CD300LF: variants seen among roughly 807,000 people sequenced by gnomAD.
The protein encoded by CD300LF is CD300 molecule like family member f.
Under a neutral mutation model 32.2 loss-of-function variants are expected in CD300LF, and 27 were observed. The ratio of observed to expected loss-of-function variants is 0.84; its 90% CI spans 0.62 to 1.15. The LOEUF (loss-of-function observed/expected upper bound fraction) is 1.15. CD300LF is among the 50% of genes most tolerant of loss of function. CD300LF has a pLI of 0.00. For missense variants in CD300LF, 348 were observed against 356.8 expected (o/e 0.98, Z 0.20); for synonymous variants, 139 against 143.2 (o/e 0.97, Z 0.21).
Position 74,695,862 on chromosome 17 carries a change from G to A in CD300LF, c.583-3C>T, listed in dbSNP as rs201735950. 1.2e-6 allele frequency: 2 copies of A among 1,612,750 alleles called. No individual in the cohort carries two copies. The highest frequency in any genetic ancestry group is 1.7e-6 in the Non-Finnish European group (2 of 1,179,212). On this transcript the variant is annotated splice_polypyrimidine_tract_variant and splice_region_variant and intron_variant, in intron 5 of 6. Coordinates refer to ENST00000326165, the MANE Select transcript of CD300LF (RefSeq NM_139018.5). ...TCGCCCTCCAGGGGCTGCAGTACCTGGGACAGGGAACACAGGCTGGGGAGT... is the reference window on the plus strand; with the variant it reads ...TCGCCCTCCAGGGGCTGCAGTACCTAGGACAGGGAACACAGGCTGGGGAGT...
intron 3 of CD300LF, among the ~76,000 whole-genome samples, chr17:74,698,866 A>T (rs1229294844): frequency 1.8e-4 from 27 of 152,218 alleles, no homozygotes. Flanking sequence ...AAGCTAAAAT[A>T]AAAGTTTTTA....
intron 3 of CD300LF, among the ~76,000 whole-genome samples, chr17:74,701,760 G>T (rs1021532196): frequency 6.7e-6 from 1 of 149,306 alleles, no homozygotes. Context: ...TGAGGTATGA[G>T]AATCACATGA....
chr17:74,708,703 T>C (rs1030185943), intron 1 of CD300LF, among the ~76,000 whole-genome samples: 2 of 150,370 alleles, frequency 1.3e-5, no homozygotes, highest in Non-Finnish European at 3.0e-5. Context: ...GATCAGGAGG[T>C]GAGGAGATCG....
chr17:74,695,342 G>A (rs934073471), intron 6 of CD300LF, 91 bp from the exon 7 acceptor site: 80 of 1,475,192 alleles, frequency 5.4e-5, no homozygotes, highest in Non-Finnish European at 7.0e-5. Context: ...AGTGGGGATG[G>A]ACCATTCAGG....
rs528177924 is a variant in CD300LF, at chr17:74,695,319, C to T, written c.718-68G>A. Reference sequence around the variant, plus strand: ...GTGACGGTCACGGGGCAGAGGAGCCCTCGGAGGAGGATAGTGGGGATGGAC... The same window carrying T: ...GTGACGGTCACGGGGCAGAGGAGCCTTCGGAGGAGGATAGTGGGGATGGAC... On this transcript the variant is annotated intron_variant, in intron 6 of 6. Coordinates refer to ENST00000326165, the MANE Select transcript of CD300LF (RefSeq NM_139018.5). The T allele has an allele frequency of 3.5e-5, 55 of 1,581,988 alleles. No individual in the cohort carries two copies. In the East Asian group the frequency reaches 1.2e-3, roughly 33 times the overall value.
In CD300LF at chr17:74,694,393, G is replaced by A. The variant is rs1269246169; in HGVS notation, c.*703C>T. 2 of 152,204 alleles carry A rather than the reference G, an allele frequency of 1.3e-5. No homozygotes were observed. Among genetic ancestry groups the A allele is most frequent in the African/African-American group, 4.8e-5 (2 of 41,448 alleles). The allele number at this position is 152,204 out of a possible 1,614,324, so 9.4% of individuals were successfully genotyped here. The stretch of plus-strand genomic sequence containing the variant: ...TCAAGATCAGTTTCAATGGGCTCAA[G>A]TCAAGGCGTGGGCAGGGCTGGTTTC... On this transcript the variant is annotated 3_prime_UTR_variant, in exon 7 of 7. Coordinates refer to ENST00000326165, the MANE Select transcript of CD300LF (RefSeq NM_139018.5).
At chr17:74,712,136 C>G (rs564647635) in intron 1 of CD300LF, among the ~76,000 whole-genome samples, 2 of 151,974 alleles carry the variant, frequency 1.3e-5, no homozygotes, top group Non-Finnish European at 2.9e-5. Context: ...GGTCTCGAAT[C>G]CCTGAGCTCA....
At chr17:74,706,023 T>C (rs761821252) in intron 1 of CD300LF, among the ~76,000 whole-genome samples, 8 of 152,134 alleles carry the variant, frequency 5.3e-5, no homozygotes, top group Non-Finnish European at 1.2e-4. Context: ...TGTTCTCACT[T>C]ATAAGTGGGA....
At chr17:74,711,899 CTTTTTTCTT>C (rs2033989962) in intron 1 of CD300LF, among the ~76,000 whole-genome samples, 1 of 143,556 alleles carries the variant, frequency 7.0e-6, no homozygotes. Context: ...TTTCTTTTTT[CTTTTTTCTT>C]TTTTTTTTTT....
Position 74,704,468 on chromosome 17 carries a change from T to C in CD300LF, c.382+10A>G. ...CTGAGAGACACACACATATATACAC[T>C]CCCTCTTACCTGGGTCAATGGTCAC... On this transcript the variant is annotated intron_variant, in intron 2 of 6. Coordinates refer to ENST00000326165, the MANE Select transcript of CD300LF (RefSeq NM_139018.5). The C allele has an allele frequency of 6.3e-7, 1 of 1,594,324 alleles. No homozygotes were observed. The highest frequency in any genetic ancestry group is 8.6e-7 in the Non-Finnish European group (1 of 1,165,742).
At chr17:74,709,336 G>A (rs2033779209) in intron 1 of CD300LF, among the ~76,000 whole-genome samples, 1 of 152,090 alleles carries the variant, frequency 6.6e-6, no homozygotes, top group Non-Finnish European at 1.5e-5. Flanking sequence ...AGGAATCAAC[G>A]CTCATTCATG....
In CD300LF at chr17:74,694,763, A is replaced by C; in HGVS notation, c.*333T>G. 4.8e-6 allele frequency: 1 copy of C among 206,316 alleles called. No individual in the cohort carries two copies. The highest frequency in any genetic ancestry group is 1.5e-4 in the South Asian group (1 of 6,744). The allele number at this position is 206,316 out of a possible 1,614,324, so 12.8% of individuals were successfully genotyped here. ...CATAACATGTGGTAGGCAATAAATA[A>C]AGGTTCATTGTATTACGATAATGGT... On this transcript the variant is annotated 3_prime_UTR_variant, in exon 7 of 7. Transcript: ENST00000326165.
chr17:74,710,178 C>T (rs981877259), intron 1 of CD300LF, among the ~76,000 whole-genome samples: 1 of 151,538 alleles, frequency 6.6e-6, no homozygotes, highest in Non-Finnish European at 1.5e-5. Flanking sequence ...TGGGGTTTCA[C>T]CGTAGCCAGG....
At position 74,695,044 on chromosome 17, in the gene CD300LF, AG is replaced by A. The variant is rs1598196705; in HGVS notation, c.*51del. 20 of 1,577,740 alleles carry A rather than the reference AG, an allele frequency of 1.3e-5. No individual in the cohort carries two copies. In the East Asian group the frequency reaches 4.5e-4, roughly 36 times the overall value. On this transcript the variant is annotated 3_prime_UTR_variant, in exon 7 of 7. Transcript: ENST00000326165. ...GGGAGCAGGGGGCAGACGGTCGATG[AG>A]GCAGGAGTGTGCTCACAGCCTGGGG...
In CD300LF at chr17:74,702,174, C is replaced by T. The variant is rs2033114171; in HGVS notation, c.446+861G>A. ...GTCCCAGCAAAAGGAGAACTTGGCA[C>T]TTGGCAGATCTAAAAACAAAGTCAA... On this transcript the variant is annotated intron_variant, in intron 3 of 6. Coordinates refer to ENST00000326165, the MANE Select transcript of CD300LF (RefSeq NM_139018.5). 3.3e-5 allele frequency among the ~76,000 whole-genome samples: 5 copies of T among 152,064 alleles called. No homozygotes were observed. The South Asian group carries it at 1.0e-3, about 32-fold the overall frequency.
intron 1 of CD300LF, among the ~76,000 whole-genome samples, chr17:74,712,550 T>G (rs2034043253): frequency 6.6e-6 from 1 of 152,224 alleles, no homozygotes; most frequent in African/African-American, 2.4e-5. Flanking sequence ...CCTCCTCTGC[T>G]TTTCCCTGGC....
intron 1 of CD300LF, among the ~76,000 whole-genome samples, chr17:74,710,840 C>T (rs1483493751): frequency 6.6e-6 from 1 of 151,594 alleles, no homozygotes; most frequent in African/African-American, 2.4e-5. Context: ...GCACTCCAGC[C>T]TGAGTGACAG....
At chr17:74,695,686 C>T (rs767466657) in intron 6 of CD300LF, 39 bp downstream of exon 6, 23 of 1,613,446 alleles carry the variant, frequency 1.4e-5, no homozygotes, top group Non-Finnish European at 1.9e-5. Flanking sequence ...CCTGTGTCCC[C>T]CTGCCCCAGC....
At position 74,695,141 on chromosome 17, in the gene CD300LF, C is replaced by G. The variant is rs779932685; in HGVS notation, c.828G>C (p.Arg276Ser). The change falls in exon 7 of 7, where the codon AGG (arginine) becomes AGC (serine). Residue 276 changes from arginine to serine, a missense_variant. By Grantham distance (110) the Arg-to-Ser change is moderately radical. Transcript: ENST00000326165. ...MGHLSSHLPG[R>S]GPEEPTEYST... ...TGTATTCCGTGGGCTCCTCAGGGCC[C>G]CTGCCGGGGAGGTGGCTACTGAGGT... 1.2e-6 allele frequency: 2 copies of G among 1,614,158 alleles called. No individual in the cohort carries two copies. The highest frequency in any genetic ancestry group is 1.7e-5 in the Admixed American group (1 of 60,012).
Sources: allele counts gnomAD v4.1 joint callset (sites outside exome capture counted in the v4.1 genomes callset), GRCh38; gene constraint gnomAD v4.1.1; transcripts MANE v1.5; gene names NCBI Gene and HGNC (gene_info 2026-07-23, HGNC 2026-07-21).